Variants in FILIP1L observed in about 807,000 individuals in gnomAD.
FILIP1L encodes the protein filamin A-interacting protein 1-like.
FILIP1L carries 55 observed loss-of-function variants against 96.6 expected under a neutral mutation model. The ratio of observed to expected loss-of-function variants is 0.57; its 90% CI spans 0.46 to 0.71. The LOEUF (loss-of-function observed/expected upper bound fraction) is 0.71, where lower values mean the gene tolerates loss of function less well. Ranked by LOEUF, FILIP1L falls within the 30% of genes least tolerant of loss-of-function variation. FILIP1L has a pLI of 0.00. For synonymous variants in FILIP1L, 467 were observed against 473.9 expected (o/e 0.99, Z 0.19); for missense variants, 1,304 against 1,321.2 (o/e 0.99, Z 0.20).
rs142312725 is a variant in FILIP1L at position 99,901,217 on chromosome 3, G to A, written c.605+23013C>T. Among the ~76,000 whole-genome samples the A allele has an allele frequency of 9.3e-4, 142 of 152,310 alleles. 1 individual carries two copies. Among genetic ancestry groups the A allele is most frequent in the East Asian group, 6.7e-3 (35 of 5,188 alleles). On this transcript the variant is annotated intron_variant, in intron 4 of 5. Transcript: ENST00000477258. ...AAGTGTTGTTTAGAAAAACAAAATG[G>A]CTACACGTTGAAATAGGATAGTACC...
chr3:99,898,008 A>G (rs1706314503), intron 4 of FILIP1L: 1 of 152,208 alleles, frequency 6.6e-6, no homozygotes, highest in Non-Finnish European at 1.5e-5. Context: ...TACCAATGTT[A>G]CATTTAATTT....
chr3:100,008,041 G>A (rs1164881396), intron 1 of FILIP1L, among the ~76,000 whole-genome samples: 1 of 152,146 alleles, frequency 6.6e-6, no homozygotes, highest in Non-Finnish European at 1.5e-5. Flanking sequence ...TGTACACAAA[G>A]TGTTTCCCTC....
intron 1 of FILIP1L, among the ~76,000 whole-genome samples, chr3:99,949,877 C>T (rs1269993802): frequency 2.0e-5 from 3 of 152,158 alleles, no homozygotes; most frequent in African/African-American, 7.2e-5. Flanking sequence ...TTACCAAGGA[C>T]ATTCTTAATC....
At chr3:99,864,240 C>G (rs79098076) in intron 4 of FILIP1L, among the ~76,000 whole-genome samples, 1 of 151,944 alleles carries the variant, frequency 6.6e-6, no homozygotes, top group African/African-American at 2.4e-5. Flanking sequence ...AAAACTGAGG[C>G]CCAGGCAGAT....
chr3:99,905,278 A>G (rs1706577322), intron 4 of FILIP1L, among the ~76,000 whole-genome samples: 1 of 150,762 alleles, frequency 6.6e-6, no homozygotes, highest in Non-Finnish European at 1.5e-5. Flanking sequence ...TTTTACCTTC[A>G]CCACTGCTGG....
chr3:99,853,862 GA>G (rs1160389263), intron 4 of FILIP1L, among the ~76,000 whole-genome samples: 2 of 152,156 alleles, frequency 1.3e-5, no homozygotes, highest in African/African-American at 4.8e-5. Context: ...TTTATATGCA[GA>G]AAAAACTATA....
intron 4 of FILIP1L, among the ~76,000 whole-genome samples, chr3:99,890,975 C>CA (rs1245641281): frequency 6.6e-6 from 1 of 151,968 alleles, no homozygotes; most frequent in Non-Finnish European, 1.5e-5. Flanking sequence ...TGCCAAATGC[C>CA]AAAGGGGTAT....
intron 1 of FILIP1L, among the ~76,000 whole-genome samples, chr3:99,981,905 C>T (rs542157996): frequency 3.2e-4 from 48 of 152,232 alleles, no homozygotes; most frequent in African/African-American, 1.1e-3. Context: ...GCGGGAGGAT[C>T]GCTTGAGGCC....
intron 1 of FILIP1L, among the ~76,000 whole-genome samples, chr3:100,062,774 T>A (rs2065596382): frequency 6.6e-6 from 1 of 152,210 alleles, no homozygotes; most frequent in Non-Finnish European, 1.5e-5. Context: ...TTTGTCCTGG[T>A]TCCTCAGCAT....
chr3:100,109,545 G>A (rs9798963), intron 1 of FILIP1L, among the ~76,000 whole-genome samples: 3 of 152,022 alleles, frequency 2.0e-5, no homozygotes, highest in African/African-American at 7.2e-5. Context: ...GTTTTTGGGG[G>A]TTTTTTCCCA....
rs1576509604 is a variant in FILIP1L, at chr3:99,849,426, T to C, written c.2250A>G (p.Leu750=). The C allele has an allele frequency of 6.2e-7, 1 of 1,614,228 alleles. No individual in the cohort carries two copies. The highest frequency in any genetic ancestry group is 8.5e-7 in the Non-Finnish European group (1 of 1,180,034). Residue 750 remains leucine, a synonymous_variant, in exon 5 of 6, where the codon CTA becomes CTG. Transcript: ENST00000477258. ...QGDHSVLQKK[L]NQQENRNRDL... Reference sequence around the variant, plus strand: ...CTCTGTTCCTGTTTTCTTGTTGATTTAGTTTTTTTTGCAGGACTGAGTGAT... The same window carrying C: ...CTCTGTTCCTGTTTTCTTGTTGATTCAGTTTTTTTTGCAGGACTGAGTGAT...
At chr3:100,055,261 A>G (rs540436376) in intron 1 of FILIP1L, among the ~76,000 whole-genome samples, 8 of 152,240 alleles carry the variant, frequency 5.3e-5, no homozygotes, top group African/African-American at 1.9e-4. Flanking sequence ...ATCCTGAACA[A>G]TGTCTCTCTT....
At chr3:99,884,715 A>G (rs1451865103) in intron 4 of FILIP1L, among the ~76,000 whole-genome samples, 1 of 152,226 alleles carries the variant, frequency 6.6e-6, no homozygotes, top group Non-Finnish European at 1.5e-5. Context: ...ATCATGTGCG[A>G]ACTACTCCCA....
At chr3:100,106,638 G>C (rs2107467899) in intron 1 of FILIP1L, among the ~76,000 whole-genome samples, 1 of 152,280 alleles carries the variant, frequency 6.6e-6, no homozygotes, top group South Asian at 2.1e-4. Context: ...AAGGGCTGTA[G>C]GATCCAGAAG....
chr3:100,084,503 T>G (rs553234713), intron 1 of FILIP1L, among the ~76,000 whole-genome samples: 1 of 152,332 alleles, frequency 6.6e-6, no homozygotes, highest in Admixed American at 6.5e-5. Context: ...CTCCAAAGAT[T>G]TGTTTAAAAG....
At chr3:99,855,978 T>TA (rs1943943193) in intron 4 of FILIP1L, among the ~76,000 whole-genome samples, 1 of 152,230 alleles carries the variant, frequency 6.6e-6, no homozygotes, top group African/African-American at 2.4e-5. Flanking sequence ...ATCCCTCTGG[T>TA]ACCCATCTCA....
intron 4 of FILIP1L, among the ~76,000 whole-genome samples, chr3:99,916,229 A>C (rs1576570551): frequency 6.6e-6 from 1 of 152,280 alleles, no homozygotes; most frequent in East Asian, 1.9e-4. Flanking sequence ...GCCTGGGTTA[A>C]TTGCACTGGC....
At chr3:100,002,435 A>G (rs1389288936) in intron 1 of FILIP1L, among the ~76,000 whole-genome samples, 2 of 152,100 alleles carry the variant, frequency 1.3e-5, no homozygotes, top group African/African-American at 4.8e-5. Flanking sequence ...GAATATTCAC[A>G]TTTTCTAGAA....
chr3:99,948,397 G>A (rs1421976228), intron 1 of FILIP1L, among the ~76,000 whole-genome samples: 3 of 151,936 alleles, frequency 2.0e-5, no homozygotes, highest in African/African-American at 7.3e-5. Context: ...AATTAGCTCG[G>A]TAGGGTGATG....
Sources: gnomAD v4.1 joint callset for allele counts (sites outside exome capture counted in the v4.1 genomes callset) on GRCh38, gnomAD v4.1.1 for gene constraint, MANE v1.5 for transcripts, NCBI Gene and HGNC (gene_info 2026-07-23, HGNC 2026-07-21) for gene names.